SCLT1: variants seen among roughly 807,000 people sequenced by gnomAD.
SCLT1 encodes sodium channel-associated protein 1.
Under a neutral mutation model 112.8 loss-of-function variants are expected in SCLT1, and 78 were observed. The observed-to-expected ratio is 0.69, with a 90% CI of 0.58 to 0.83. The LOEUF is 0.83. SCLT1 is among the 40% of genes least tolerant of loss of function. The pLI is 0.00. For missense variants in SCLT1, 747 were observed against 770.4 expected (o/e 0.97, Z 0.36); for synonymous variants, 257 against 254.7 (o/e 1.01, Z -0.09).
intron 5 of SCLT1, among the ~76,000 whole-genome samples, chr4:129,030,650 A>T (rs1288868140): frequency 6.6e-6 from 1 of 152,180 alleles, no homozygotes; most frequent in Non-Finnish European, 1.5e-5. Flanking sequence ...ATCCCACAGA[A>T]ATAAAAACTA....
At chr4:129,081,442 G>A (rs1400264802) in intron 2 of SCLT1, among the ~76,000 whole-genome samples, 1 of 152,184 alleles carries the variant, frequency 6.6e-6, no homozygotes, top group Admixed American at 6.5e-5. Flanking sequence ...GTGTGGGGCT[G>A]GTTTCCCCAA....
intron 3 of SCLT1, among the ~76,000 whole-genome samples, 156 bp downstream of exon 3, chr4:129,043,837 G>A (rs913951711): frequency 1.3e-5 from 2 of 152,152 alleles, no homozygotes; most frequent in African/African-American, 4.8e-5. Flanking sequence ...AACTAATTTT[G>A]TAGACTCTGT....
intron 2 of SCLT1, among the ~76,000 whole-genome samples, chr4:129,071,135 A>AG (rs562708580): frequency 8.3e-4 from 126 of 152,234 alleles, no homozygotes; most frequent in Admixed American, 6.0e-3. Context: ...CTGTGGTCTG[A>AG]GAGAGTGCTT....
At chr4:129,043,586 T>A (rs1747904978) in intron 3 of SCLT1, 119 bp from the exon 4 acceptor site, 2 of 568,768 alleles carry the variant, frequency 3.5e-6, no homozygotes, top group Non-Finnish European at 6.2e-6. Context: ...CAATAAAAAC[T>A]TTTCCCTTTT....
intron 8 of SCLT1, among the ~76,000 whole-genome samples, chr4:128,995,288 T>C (rs1742914845): frequency 6.6e-6 from 1 of 152,146 alleles, no homozygotes; most frequent in African/African-American, 2.4e-5. Context: ...TATTGTGTTC[T>C]TTAGGTCCAT....
At chr4:128,916,247 G>T (rs1211946433) in intron 18 of SCLT1, among the ~76,000 whole-genome samples, 1 of 152,166 alleles carries the variant, frequency 6.6e-6, no homozygotes, top group Admixed American at 6.5e-5. Flanking sequence ...TCAGGTAAGT[G>T]TATGAATACG....
intron 2 of SCLT1, among the ~76,000 whole-genome samples, chr4:129,062,052 G>A (rs988722822): frequency 7.9e-5 from 12 of 151,652 alleles, no homozygotes; most frequent in South Asian, 2.1e-4. Flanking sequence ...GGCGAGGTCC[G>A]TAGGAGTTAA....
In SCLT1 at chr4:128,884,536, T is replaced by C. The variant is rs976235764; in HGVS notation, c.2008A>G (p.Ser670Gly). 1.3e-6 allele frequency: 2 copies of C among 1,591,938 alleles called. No homozygotes were observed. Among genetic ancestry groups the C allele is most frequent in the Non-Finnish European group, 8.6e-7 (1 of 1,161,332 alleles). Residue 670 changes from serine (S) to glycine (G), a missense_variant, in exon 21 of 21, where the codon AGT becomes GGT. Transcript: ENST00000281142. ...TTTCTTCTCTGCACTGTAATCACAC[T>C]GAGCTGCAATTAAAATAAACAATCG... ...ERAASASQQL[S>G]VITVQRRKAA...
chr4:128,990,283 T>C (rs1742446937), intron 9 of SCLT1, among the ~76,000 whole-genome samples: 1 of 151,866 alleles, frequency 6.6e-6, no homozygotes, highest in Admixed American at 6.6e-5. Flanking sequence ...CAGGGATGCA[T>C]GGATGGTTCA....
chr4:128,952,992 AGAATTTGCCAT>A (rs1299632338), intron 13 of SCLT1, 152 bp from the exon 14 acceptor site: 2 of 586,820 alleles, frequency 3.4e-6, no homozygotes, highest in African/African-American at 3.7e-5. Context: ...TAAAGAGCCA[AGAATTTGCCAT>A]GAAAGTGGAA....
rs116575424 is a variant in SCLT1, at chr4:129,004,492, G to T, written c.291-616C>A. Among the ~76,000 whole-genome samples the T allele has an allele frequency of 8.0e-3, 1,212 of 151,910 alleles. 15 individuals are homozygous for T. The highest frequency in any genetic ancestry group is 0.028 in the African/African-American group (1,162 of 41,486). On this transcript the variant is annotated intron_variant, in intron 5 of 20. Transcript: ENST00000281142. ...TTAAGGTAAATTACAGATATTTCAT[G>T]CCTTAACTACAAAAAAAAGCAAGGA...
intron 18 of SCLT1, among the ~76,000 whole-genome samples, chr4:128,900,309 G>A (rs1260948135): frequency 6.6e-6 from 1 of 152,148 alleles, no homozygotes; most frequent in Non-Finnish European, 1.5e-5. Context: ...AAACAGCATG[G>A]TACTGGTACC....
chr4:128,908,869 T>C (rs758818818), intron 18 of SCLT1, among the ~76,000 whole-genome samples: 8 of 152,208 alleles, frequency 5.3e-5, no homozygotes, highest in Non-Finnish European at 8.8e-5. Flanking sequence ...GCGTACACTC[T>C]AGTAGAGCCT....
intron 18 of SCLT1, among the ~76,000 whole-genome samples, chr4:128,912,682 T>TCCTCCTCCTCCTTCC (rs1560832333): frequency 1.3e-5 from 2 of 151,922 alleles, no homozygotes; most frequent in East Asian, 1.9e-4. Flanking sequence ...CTCCTACTCT[T>TCCTCCTCCTCCTTCC]CCTCCTCCTC....
intron 18 of SCLT1, among the ~76,000 whole-genome samples, chr4:128,906,812 C>T (rs1436418324): frequency 1.3e-5 from 2 of 152,150 alleles, no homozygotes; most frequent in Admixed American, 1.3e-4. Flanking sequence ...GAAACAAGAT[C>T]TAGTCACTGC....
At chr4:129,060,006 T>A (rs937646952) in intron 2 of SCLT1, among the ~76,000 whole-genome samples, 2 of 152,184 alleles carry the variant, frequency 1.3e-5, no homozygotes, top group Non-Finnish European at 2.9e-5. Context: ...CCTAATGGTG[T>A]TCCATAAGTA....
rs1435488544 is a variant in SCLT1 at position 129,030,283 on chromosome 4, A to G, written c.290+8758T>C. 2.0e-5 allele frequency among the ~76,000 whole-genome samples: 3 copies of G among 152,196 alleles called. No individual in the cohort carries two copies. The East Asian group carries it at 5.8e-4, about 29-fold the overall frequency. The stretch of plus-strand genomic sequence containing the variant: ...ACCAATGAGAACAAAGACACAATGT[A>G]CCATAATCTCTGGGACACAGCTAAA... On this transcript the variant is annotated intron_variant, in intron 5 of 20. Transcript: ENST00000281142.
At chr4:128,905,872 C>T (rs896671558) in intron 18 of SCLT1, among the ~76,000 whole-genome samples, 2 of 151,858 alleles carry the variant, frequency 1.3e-5, no homozygotes, top group Non-Finnish European at 2.9e-5. Flanking sequence ...TAATGTATCA[C>T]ATGACTCCAT....
At chr4:128,987,069 A>T (rs1742162424) in intron 9 of SCLT1, among the ~76,000 whole-genome samples, 1 of 152,166 alleles carries the variant, frequency 6.6e-6, no homozygotes, top group African/African-American at 2.4e-5. Flanking sequence ...GAGCTGCAGC[A>T]TTCCTAGGCT....
Sources: allele counts gnomAD v4.1 joint callset (sites outside exome capture counted in the v4.1 genomes callset), GRCh38; gene constraint gnomAD v4.1.1; transcripts MANE v1.5; gene names NCBI Gene and HGNC (gene_info 2026-07-23, HGNC 2026-07-21).